Variants in GLI3 observed in about 807,000 individuals in gnomAD.
GLI3 encodes the protein GLI family zinc finger 3.
Under a neutral mutation model 100.8 loss-of-function variants are expected in GLI3, and 20 were observed. That is an observed-to-expected ratio of 0.20 (90% CI 0.14 to 0.29). The LOEUF is 0.29. Among genes scored for constraint, GLI3 ranks in the 10% least tolerant of loss-of-function variants. The pLI, the probability that GLI3 is intolerant of heterozygous loss-of-function variation, is 1.00. For missense variants in GLI3, 2,040 were observed against 2,128.5 expected, an observed-to-expected ratio of 0.96 and a Z score of 0.82; for synonymous variants, 938 against 860.5, an observed-to-expected ratio of 1.09 and a Z score of -1.58.
At position 41,966,015 on chromosome 7, in the gene GLI3, G is replaced by T; in HGVS notation, c.3058C>A (p.Arg1020Ser). ...CTGAGGCTGCTGAAGCGCGGCACAC[G>T]AGGCAGGGCCAGGCCCTCGGAGCCT... ...RTGSEGLALP[R>S]VPRFSSLSSC... The change falls in exon 15 of 15, where the codon CGT becomes AGT. Residue 1020 changes from arginine to serine, a missense_variant. Arg to Ser is a moderately radical substitution (Grantham distance 110, BLOSUM62 -1). Around this residue, in one of 5 missense-constraint regions of GLI3, gnomAD observed 1,041 missense variants for 924.0 expected, o/e 1.13. Coordinates refer to ENST00000395925, the MANE Select transcript of GLI3 (RefSeq NM_000168.6). The surrounding 1 kb of genome is among the most constrained non-coding windows in gnomAD (Gnocchi z 5.8). 6.3e-7 allele frequency: 1 copy of T among 1,598,354 alleles called. No individual in the cohort carries two copies. The highest frequency in any genetic ancestry group is 8.5e-7 in the Non-Finnish European group (1 of 1,178,106).
upstream of GLI3, among the ~76,000 whole-genome samples, chr7:42,241,943 T>A (rs1230605594): frequency 3.3e-5 from 5 of 152,198 alleles, no homozygotes; most frequent in African/African-American, 1.2e-4. Flanking sequence ...GATGATTTTC[T>A]GTATCCCGCT....
intron 1 of GLI3, among the ~76,000 whole-genome samples, chr7:42,244,283 T>C (rs1788951582): frequency 6.6e-6 from 1 of 152,196 alleles, no homozygotes; most frequent in African/African-American, 2.4e-5. Flanking sequence ...CATATTCCAC[T>C]TACTTTTTAT....
intron 4 of GLI3, among the ~76,000 whole-genome samples, chr7:42,057,111 T>G (rs951743322): frequency 3.9e-5 from 6 of 152,148 alleles, no homozygotes; most frequent in African/African-American, 1.4e-4. Flanking sequence ...AATGTCAACA[T>G]TTTAACATAA....
At chr7:42,128,936 T>G (rs1786202371) in intron 3 of GLI3, among the ~76,000 whole-genome samples, 1 of 152,116 alleles carries the variant, frequency 6.6e-6, no homozygotes, top group Non-Finnish European at 1.5e-5. Context: ...TGGGCCTGGG[T>G]CTTAAGTTTA....
intron 2 of GLI3, among the ~76,000 whole-genome samples, chr7:42,172,317 T>A (rs756065465): frequency 6.6e-6 from 1 of 152,170 alleles, no homozygotes; most frequent in Non-Finnish European, 1.5e-5. Context: ...CTCTCACCCA[T>A]GAGATCTCAG....
intron 7 of GLI3, among the ~76,000 whole-genome samples, chr7:42,027,511 A>C (rs1324275168): frequency 6.6e-6 from 1 of 152,234 alleles, no homozygotes; most frequent in Non-Finnish European, 1.5e-5. Flanking sequence ...TATTAAGCGC[A>C]TTAAAGGAGA....
Position 41,966,267 on chromosome 7 carries a change from C to T in GLI3, c.2806G>A (p.Ala936Thr). 6.2e-7 allele frequency: 1 copy of T among 1,607,956 alleles called. No homozygotes were observed. ...QYRLKAKYAAATGGPPPTPLP... is the reference protein window; with the variant it reads ...QYRLKAKYAATTGGPPPTPLP... ...GGCGTCGGCGGCGGCCCTCCTGTGG[C>T]AGCCGCGTACTTGGCCTTGAGGCGG... Residue 936 changes from alanine to threonine, a missense_variant, in exon 15 of 15, where the codon GCC becomes ACC. Physicochemically the swap from Ala to Thr is moderately conservative, Grantham distance 58. Coordinates refer to ENST00000395925, the MANE Select transcript of GLI3 (RefSeq NM_000168.6). The surrounding 1 kb of genome is among the most constrained non-coding windows in gnomAD (Gnocchi z 5.8).
At chr7:42,237,249 C>G (rs995671004), upstream of GLI3, among the ~76,000 whole-genome samples, 1 of 151,430 alleles carries the variant, frequency 6.6e-6, no homozygotes, top group Non-Finnish European at 1.5e-5. Flanking sequence ...CGCTCCCTCC[C>G]GCTCGTGCAG....
intron 1 of GLI3, 60 bp from the exon 2 acceptor site, chr7:42,223,355 C>CAA: frequency 1.1e-6 from 1 of 926,374 alleles, no homozygotes; most frequent in Non-Finnish European, 1.7e-6. Context: ...AAAAAACTTT[C>CAA]AAAAGTCCAC....
intron 7 of GLI3, 70 bp from the exon 8 acceptor site, chr7:42,026,482 C>A (rs752054354): frequency 1.8e-5 from 20 of 1,129,176 alleles, no homozygotes; most frequent in Non-Finnish European, 2.7e-5. Flanking sequence ...ACAAGATCTG[C>A]AGCTTTCTAT....
At chr7:42,170,000 G>T (rs1787331695) in intron 2 of GLI3, among the ~76,000 whole-genome samples, 1 of 151,672 alleles carries the variant, frequency 6.6e-6, no homozygotes, top group Non-Finnish European at 1.5e-5. Flanking sequence ...GCTCACGCCT[G>T]TAATCACAGT....
chr7:41,967,868 A>G lies in GLI3; in HGVS notation c.2159T>C (p.Ile720Thr). 6.2e-7 allele frequency: 1 copy of G among 1,614,112 alleles called. No homozygotes were observed. Among genetic ancestry groups the G allele is most frequent in the Non-Finnish European group, 8.5e-7 (1 of 1,180,014 alleles). Reference protein sequence around the residue: ...QSSCSSQQSPISNYSNSGLEL... With the variant: ...QSSCSSQQSPTSNYSNSGLEL... ...GAGCCCACTGTTGGAATAGTTGCTG[A>G]TGGGGGACTGTTGGCTGCTGCATGA... The change falls in exon 14 of 15, where the codon ATC becomes ACC. Residue 720 changes from isoleucine (I) to threonine (T), a missense_variant. Ile to Thr is a moderately conservative substitution (Grantham distance 89). Coordinates refer to ENST00000395925, the MANE Select transcript of GLI3 (RefSeq NM_000168.6).
intron 4 of GLI3, among the ~76,000 whole-genome samples, chr7:42,074,370 TGA>T (rs933803424): frequency 2.0e-5 from 3 of 152,254 alleles, no homozygotes; most frequent in Admixed American, 2.0e-4. Context: ...TGGGCCAATG[TGA>T]GTGTCCACTG....
intron 1 of GLI3, among the ~76,000 whole-genome samples, chr7:42,252,922 T>A (rs1789048682): frequency 6.6e-6 from 1 of 152,230 alleles, no homozygotes; most frequent in Admixed American, 6.5e-5. Context: ...TTAAAATGTT[T>A]TATTTTGCAA....
Position 42,080,958 on chromosome 7 carries a change from C to T in GLI3, c.368-4101G>A, listed in dbSNP as rs146398971. Among the ~76,000 whole-genome samples, 47 of 152,264 alleles carry T rather than the reference C, an allele frequency of 3.1e-4. No individual in the cohort carries two copies. In the East Asian group the frequency reaches 6.2e-3, roughly 20 times the overall value. On this transcript the variant is annotated intron_variant, in intron 3 of 14. Coordinates refer to ENST00000395925, the MANE Select transcript of GLI3 (RefSeq NM_000168.6). Reference sequence around the variant, plus strand: ...CAGCTGTGACGCATCATAACTCAAGCGTATATGTAATAAGTTACTGCACCG... The same window carrying T: ...CAGCTGTGACGCATCATAACTCAAGTGTATATGTAATAAGTTACTGCACCG...
At chr7:42,236,504 G>A (rs1338150165) in intron 1 of GLI3, among the ~76,000 whole-genome samples, 1 of 152,132 alleles carries the variant, frequency 6.6e-6, no homozygotes, top group Admixed American at 6.5e-5. Context: ...CCCCCGCGGC[G>A]GAGGTCCCCG....
chr7:41,967,035 C>T (rs922890594), intron 14 of GLI3, among the ~76,000 whole-genome samples: 5 of 152,206 alleles, frequency 3.3e-5, no homozygotes, highest in Non-Finnish European at 4.4e-5. Context: ...CAGGCAAGTC[C>T]CCAGGCAAAG....
At chr7:42,165,869 AT>A (rs1296580872) in intron 2 of GLI3, among the ~76,000 whole-genome samples, 2 of 152,206 alleles carry the variant, frequency 1.3e-5, no homozygotes, top group African/African-American at 4.8e-5. Context: ...AATCCAAAAC[AT>A]TGGGAAACAG....
At chr7:41,987,089 G>GACACAC (rs1452930347) in intron 10 of GLI3, among the ~76,000 whole-genome samples, 41 of 76,196 alleles carry the variant, frequency 5.4e-4, no homozygotes, top group African/African-American at 1.9e-3. Flanking sequence ...AACATACACA[G>GACACAC]ACACAGACAC....
Sources: allele counts gnomAD v4.1 joint callset (sites outside exome capture counted in the v4.1 genomes callset), GRCh38; gene constraint gnomAD v4.1.1; regional missense constraint gnomAD v4.1.1; non-coding constraint Gnocchi (gnomAD v3.1); transcripts MANE v1.5; gene names NCBI Gene and HGNC (gene_info 2026-07-23, HGNC 2026-07-21).